DNAH6: variants seen among roughly 807,000 people sequenced by gnomAD.
DNAH6 encodes the protein dynein axonemal heavy chain 6, also known as axonemal beta dynein heavy chain 6.
DNAH6 carries 340 observed loss-of-function variants against 491.4 expected under a neutral mutation model. That is an observed-to-expected ratio of 0.69 (90% confidence interval 0.63 to 0.76). The LOEUF is 0.76. Ranked by LOEUF, DNAH6 falls within the 30% of genes least tolerant of loss-of-function variation. The pLI is 0.00. For synonymous variants in DNAH6, 1,603 were observed against 1,686.1 expected (o/e 0.95, Z 1.21); for missense variants, 4,443 against 4,972.2 (o/e 0.89, Z 3.20).
intron 64 of DNAH6, among the ~76,000 whole-genome samples, chr2:84,779,032 G>T (rs1363242130): frequency 6.6e-6 from 1 of 152,010 alleles, no homozygotes; most frequent in Non-Finnish European, 1.5e-5. Context: ...TGATCTTTTT[G>T]CATCTATCAA....
At chr2:84,704,910 A>G (rs1181553785) in intron 51 of DNAH6, among the ~76,000 whole-genome samples, 2 of 152,218 alleles carry the variant, frequency 1.3e-5, no homozygotes, top group Non-Finnish European at 2.9e-5. Flanking sequence ...CCAGGCTTCC[A>G]GGAGACAGGG....
intron 56 of DNAH6, among the ~76,000 whole-genome samples, chr2:84,711,554 A>T (rs905695860): frequency 6.6e-6 from 1 of 152,246 alleles, no homozygotes; most frequent in Non-Finnish European, 1.5e-5. Context: ...ACTCCATGCC[A>T]GACTCTGTTC....
chr2:84,808,546 T>C lies in DNAH6; in HGVS notation c.11739+4T>C. Reference sequence around the variant, plus strand: ...CAACCTGCTGAAGTTAATTCATGTATGAGAGCTTACTTTCATCATTGCTAT... The same window carrying C: ...CAACCTGCTGAAGTTAATTCATGTACGAGAGCTTACTTTCATCATTGCTAT... On this transcript the variant is annotated splice_donor_region_variant and intron_variant, in intron 72 of 76. Coordinates refer to ENST00000389394, the MANE Select transcript of DNAH6 (RefSeq NM_001370.2). The C allele has an allele frequency of 1.3e-6, 2 of 1,551,574 alleles. No homozygotes were observed. The highest frequency in any genetic ancestry group is 1.7e-6 in the Non-Finnish European group (2 of 1,146,862).
intron 76 of DNAH6, among the ~76,000 whole-genome samples, chr2:84,818,643 A>G (rs1318523906): frequency 6.6e-6 from 1 of 152,212 alleles, no homozygotes; most frequent in East Asian, 1.9e-4. Context: ...GAAACTTAAC[A>G]GGACAAACAG....
At chr2:84,540,026 C>T (rs1678088037) in intron 4 of DNAH6, among the ~76,000 whole-genome samples, 3 of 152,120 alleles carry the variant, frequency 2.0e-5, no homozygotes, top group Admixed American at 2.0e-4. Context: ...AATGAATACA[C>T]CCAAATCATA....
chr2:84,571,551 A>T (rs765072515), intron 11 of DNAH6, among the ~76,000 whole-genome samples: 6 of 152,166 alleles, frequency 3.9e-5, no homozygotes, highest in African/African-American at 7.2e-5. Context: ...ACATATACAC[A>T]CAACTGAGAT....
chr2:84,763,813 CTGA>C (rs1299481326), intron 64 of DNAH6, among the ~76,000 whole-genome samples: 1 of 149,058 alleles, frequency 6.7e-6, no homozygotes, highest in Non-Finnish European at 1.5e-5. Context: ...CTCAGCACAG[CTGA>C]TGTGTAGTTC....
intron 63 of DNAH6, among the ~76,000 whole-genome samples, chr2:84,750,316 G>A (rs1673346546): frequency 6.6e-6 from 1 of 151,148 alleles, no homozygotes; most frequent in Non-Finnish European, 1.5e-5. Context: ...CCAAGTAGCT[G>A]GGACCACAGA....
intron 18 of DNAH6, among the ~76,000 whole-genome samples, chr2:84,598,974 G>C (rs1401955644): frequency 1.4e-5 from 2 of 147,248 alleles, no homozygotes; most frequent in Non-Finnish European, 3.0e-5. Context: ...AGGTTTCAGT[G>C]AGCCGAAATT....
chr2:84,552,811 A>T, intron 9 of DNAH6, 107 bp from the exon 10 acceptor site: 1 of 536,684 alleles, frequency 1.9e-6, no homozygotes. Context: ...CAAGATAATG[A>T]ATTCAGCTAA....
At chr2:84,685,640 A>G (rs1694189627) in intron 43 of DNAH6, among the ~76,000 whole-genome samples, 168 bp downstream of exon 43, 2 of 152,016 alleles carry the variant, frequency 1.3e-5, no homozygotes, top group Non-Finnish European at 2.9e-5. Context: ...AATATTATAA[A>G]ATAATTTTAT....
At chr2:84,599,465 T>C (rs1017952289) in intron 18 of DNAH6, among the ~76,000 whole-genome samples, 7 of 152,212 alleles carry the variant, frequency 4.6e-5, no homozygotes, top group African/African-American at 1.7e-4. Context: ...GGTTTTGTTT[T>C]CTATGTTTAG....
intron 11 of DNAH6, among the ~76,000 whole-genome samples, chr2:84,559,979 G>A (rs1183304208): frequency 6.6e-6 from 1 of 152,040 alleles, no homozygotes; most frequent in Non-Finnish European, 1.5e-5. Context: ...ACAACCAAGA[G>A]AATGAATGAA....
intron 40 of DNAH6, among the ~76,000 whole-genome samples, chr2:84,674,968 C>T (rs1346597554): frequency 6.6e-6 from 1 of 152,202 alleles, no homozygotes; most frequent in Non-Finnish European, 1.5e-5. Flanking sequence ...GGCTTGCTGT[C>T]TTCTGAAGGC....
At chr2:84,792,972 C>A (rs1206764158) in intron 68 of DNAH6, among the ~76,000 whole-genome samples, 1 of 152,136 alleles carries the variant, frequency 6.6e-6, no homozygotes, top group Non-Finnish European at 1.5e-5. Context: ...ATACATACAT[C>A]CAGGAGTGGT....
chr2:84,703,280 C>T (rs1696102944), intron 49 of DNAH6, 115 bp from the exon 50 acceptor site: 2 of 750,954 alleles, frequency 2.7e-6, no homozygotes, highest in Non-Finnish European at 4.0e-6. Context: ...TTATTACAAA[C>T]TGATTTAACA....
chr2:84,577,288 A>G lies in DNAH6; in HGVS notation c.1956A>G (p.Lys652=). 6.3e-7 allele frequency: 1 copy of G among 1,588,922 alleles called. No homozygotes were observed. The highest frequency in any genetic ancestry group is 8.5e-7 in the Non-Finnish European group (1 of 1,170,622). The change falls in exon 13 of 77, where the codon AAA becomes AAG. Residue 652 remains lysine (K), a synonymous_variant. Transcript: ENST00000389394. The part of the protein sequence containing the change: ...DINFFSEQLE[K]YHKQHKDAVA... ...ACTTTTTTAGTGAACAACTGGAAAA[A>G]TATCACAAACAGCACAAGGACGCAG...
intron 22 of DNAH6, among the ~76,000 whole-genome samples, chr2:84,614,613 G>GTT (rs1465436328): frequency 6.6e-6 from 1 of 152,092 alleles, no homozygotes; most frequent in Non-Finnish European, 1.5e-5. Flanking sequence ...TCTCCACACT[G>GTT]TTTTCCATAG....
At chr2:84,715,489 G>A (rs1161300630) in intron 57 of DNAH6, 71 bp from the exon 58 acceptor site, 2 of 1,421,768 alleles carry the variant, frequency 1.4e-6, no homozygotes, top group Non-Finnish European at 1.9e-6. Context: ...AATGAGCTGT[G>A]TTCTAATAAA....
Sources: allele counts gnomAD v4.1 joint callset (sites outside exome capture counted in the v4.1 genomes callset), GRCh38; gene constraint gnomAD v4.1.1; transcripts MANE v1.5; gene names NCBI Gene and HGNC (gene_info 2026-07-23, HGNC 2026-07-21).